Variants in CIROZ observed in about 807,000 individuals in gnomAD.
The protein encoded by CIROZ is ciliated left-right organizer ZP-N domains-containing protein.
chr1:10,952,389 AT>A, the CIROZ span, among the ~76,000 whole-genome samples: 1 of 152,210 alleles, frequency 6.6e-6, no homozygotes, highest in East Asian at 1.9e-4. Context: ...TTGCTGATCT[AT>A]TTTTATACTG....
the CIROZ span, among the ~76,000 whole-genome samples, chr1:10,962,598 G>A: frequency 3.3e-5 from 5 of 152,190 alleles, no homozygotes; most frequent in Non-Finnish European, 7.3e-5. Context: ...GGCCAGGACT[G>A]TAGGTTGTGC....
chr1:10,957,458 C>T, the CIROZ span: 130 of 1,096,680 alleles, frequency 1.2e-4, 1 homozygote, highest in South Asian at 1.7e-3. Flanking sequence ...GAGCGCTTTA[C>T]GCTAATGGGG....
chr1:10,972,602 T>C, the CIROZ span, among the ~76,000 whole-genome samples: 1 of 152,250 alleles, frequency 6.6e-6, no homozygotes, highest in Non-Finnish European at 1.5e-5. Context: ...GATCAGGGCT[T>C]AGACCCTGGA....
the CIROZ span, among the ~76,000 whole-genome samples, chr1:10,967,907 G>A: frequency 6.6e-6 from 1 of 152,238 alleles, no homozygotes; most frequent in East Asian, 1.9e-4. Flanking sequence ...CCAGGAGGCG[G>A]AGGTTGCAGT....
the CIROZ span, among the ~76,000 whole-genome samples, chr1:10,966,778 GTT>G: frequency 1.3e-5 from 2 of 152,038 alleles, no homozygotes; most frequent in Admixed American, 1.3e-4. Context: ...CTTTGCCCCA[GTT>G]GTGTATATTT....
chr1:10,949,849 T>G, the CIROZ span: 6 of 1,497,438 alleles, frequency 4.0e-6, no homozygotes, highest in African/African-American at 5.6e-5. Context: ...GCCTTCCTCC[T>G]AAGGAAGCAA....
At chr1:10,950,343 A>T in the CIROZ span, among the ~76,000 whole-genome samples, 10 of 152,050 alleles carry the variant, frequency 6.6e-5, no homozygotes, top group Admixed American at 4.6e-4. Context: ...CCCATTTTTT[A>T]AAATTAAGTC....
At chr1:10,954,752 C>G in the CIROZ span, among the ~76,000 whole-genome samples, 7 of 152,168 alleles carry the variant, frequency 4.6e-5, 1 homozygote, top group African/African-American at 1.7e-4. Flanking sequence ...GCAATTCTCC[C>G]ACCTCATTTT....
the CIROZ span, chr1:10,954,021 A>G: frequency 6.2e-7 from 1 of 1,611,436 alleles, no homozygotes; most frequent in Non-Finnish European, 8.5e-7. Context: ...TCACTCACCC[A>G]CACACTGGAA....
the CIROZ span, among the ~76,000 whole-genome samples, chr1:10,956,614 TA>T: frequency 2.0e-5 from 3 of 151,962 alleles, no homozygotes; most frequent in Admixed American, 1.3e-4. Flanking sequence ...TAGCTAGGAC[TA>T]CAGGCCCCCG....
the CIROZ span, chr1:10,964,155 G>A: frequency 3.2e-5 from 51 of 1,613,884 alleles, no homozygotes; most frequent in African/African-American, 3.3e-4. Context: ...CACAGTGGAC[G>A]CTTTCCTGGC....
the CIROZ span, chr1:10,955,185 C>T: frequency 5.6e-6 from 9 of 1,601,006 alleles, no homozygotes; most frequent in African/African-American, 1.2e-4. Flanking sequence ...GCTGGAATGA[C>T]ACTGGAATGG....
At chr1:10,982,037 T>G in the CIROZ span, 1 of 1,537,208 alleles carries the variant, frequency 6.5e-7, no homozygotes, top group South Asian at 1.2e-5. Flanking sequence ...GACCCCCACA[T>G]CCTCAGGCCC....
the CIROZ span, among the ~76,000 whole-genome samples, chr1:10,973,529 C>T: frequency 6.6e-6 from 1 of 152,170 alleles, no homozygotes; most frequent in Non-Finnish European, 1.5e-5. Flanking sequence ...TGTCACTCAT[C>T]GCTGCTGAGA....
At chr1:10,968,016 G>A in the CIROZ span, among the ~76,000 whole-genome samples, 9 of 151,590 alleles carry the variant, frequency 5.9e-5, no homozygotes, top group East Asian at 1.9e-4. Flanking sequence ...AAATTCGTTC[G>A]GCGCGGTGGG....
chr1:10,962,855 C>CA, the CIROZ span, among the ~76,000 whole-genome samples: 2 of 152,244 alleles, frequency 1.3e-5, no homozygotes, highest in Admixed American at 6.5e-5. Context: ...CGTAGTGGCC[C>CA]ACGCCTATAA....
At chr1:10,971,740 G>T in the CIROZ span, among the ~76,000 whole-genome samples, 8 of 152,156 alleles carry the variant, frequency 5.3e-5, 1 homozygote, top group South Asian at 1.2e-3. Flanking sequence ...AGATAAGGTT[G>T]TCTCGCACTG....
At chr1:10,967,473 C>T in the CIROZ span, among the ~76,000 whole-genome samples, 2 of 152,170 alleles carry the variant, frequency 1.3e-5, no homozygotes, top group Non-Finnish European at 2.9e-5. Flanking sequence ...CTTAACACTC[C>T]CCGATCCTGC....
At chr1:10,977,354 G>A in the CIROZ span, among the ~76,000 whole-genome samples, 2 of 151,514 alleles carry the variant, frequency 1.3e-5, no homozygotes, top group Non-Finnish European at 2.9e-5. Flanking sequence ...GTGGTGGCGT[G>A]CGCCTGTAAT....
Sources: gnomAD v4.1 joint callset for allele counts (sites outside exome capture counted in the v4.1 genomes callset) on GRCh38, gnomAD v4.1.1 for gene constraint, MANE v1.5 for transcripts, NCBI Gene and HGNC (gene_info 2026-07-23, HGNC 2026-07-21) for gene names.